The following PAM variants were observed in gnomAD, a reference collection of about 807,000 sequenced individuals.
PAM encodes the protein peptidyl-glycine alpha-amidating monooxygenase.
A neutral mutation model predicts 122.1 loss-of-function variants in PAM; 72 were observed. The observed-to-expected ratio is 0.59, with a 90% CI of 0.49 to 0.72. The LOEUF (loss-of-function observed/expected upper bound fraction) is 0.72. Ranked by LOEUF, PAM falls within the 30% of genes least tolerant of loss-of-function variation. The pLI, the probability that PAM is intolerant of heterozygous loss-of-function variation, is 0.00. For missense variants in PAM, 1,106 were observed against 1,183.7 expected (o/e 0.93, Z 0.96); for synonymous variants, 389 against 404.4 (o/e 0.96, Z 0.46).
At chr5:102,922,571 A>G (rs1367966655) in intron 5 of PAM, among the ~76,000 whole-genome samples, 1 of 152,180 alleles carries the variant, frequency 6.6e-6, no homozygotes, top group Non-Finnish European at 1.5e-5. Flanking sequence ...AACGATTTTG[A>G]GCCAACAAAT....
At chr5:102,885,351 T>C (rs968814448) in intron 3 of PAM, among the ~76,000 whole-genome samples, 3 of 152,018 alleles carry the variant, frequency 2.0e-5, no homozygotes, top group East Asian at 1.9e-4. Context: ...GTTGACGTTA[T>C]CAGTTATAAT....
chr5:103,027,542 G>A (rs1785302439), intron 24 of PAM, among the ~76,000 whole-genome samples: 1 of 152,178 alleles, frequency 6.6e-6, no homozygotes, highest in African/African-American at 2.4e-5. Flanking sequence ...AGGAAAGAGA[G>A]TCTGTCCTTT....
intron 4 of PAM, among the ~76,000 whole-genome samples, chr5:102,909,710 A>G (rs932840373): frequency 6.6e-6 from 1 of 151,956 alleles, no homozygotes; most frequent in Admixed American, 6.6e-5. Flanking sequence ...GTCCAGGCTA[A>G]AAATGGCTGC....
chr5:102,775,983 C>G (rs1757068045), intron 1 of PAM, among the ~76,000 whole-genome samples: 1 of 152,150 alleles, frequency 6.6e-6, no homozygotes, highest in East Asian at 1.9e-4. Flanking sequence ...CCTATTTCTC[C>G]ACAGCTTTGC....
In PAM at chr5:102,866,058, G is replaced by A. The variant is rs1785455099; in HGVS notation, c.-138G>A. The stretch of plus-strand genomic sequence containing the variant: ...AGCTCGCTGCTCTCGCTGGCGGATG[G>A]TGTGTGGCCGCCGCAGGACGCCCGC... On this transcript the variant is annotated 5_prime_UTR_variant, in exon 2 of 26. The change creates a new upstream start codon in the 5' untranslated region. Transcript: ENST00000438793. 1.9e-6 allele frequency: 1 copy of A among 520,660 alleles called. No individual in the cohort carries two copies. Among genetic ancestry groups the A allele is most frequent in the African/African-American group, 2.0e-5 (1 of 48,882 alleles). The allele number at this position is 520,660 out of a possible 1,614,324, so 32.3% of individuals were successfully genotyped here. A position where few individuals can be genotyped will look rare whatever the true frequency, so the allele number is the denominator to read the frequency against.
chr5:102,857,736 G>T (rs925891646), intron 1 of PAM, among the ~76,000 whole-genome samples: 3 of 152,208 alleles, frequency 2.0e-5, no homozygotes, highest in East Asian at 3.9e-4. Context: ...AAATTTCATA[G>T]AGTTGCTGTG....
At chr5:102,787,704 T>C (rs1202234050) in intron 1 of PAM, among the ~76,000 whole-genome samples, 1 of 151,978 alleles carries the variant, frequency 6.6e-6, no homozygotes, top group Non-Finnish European at 1.5e-5. Flanking sequence ...GGACCCGTAG[T>C]TCCTTCAGAG....
intron 7 of PAM, among the ~76,000 whole-genome samples, chr5:102,933,854 A>G (rs996746922): frequency 6.6e-6 from 1 of 152,166 alleles, no homozygotes; most frequent in Non-Finnish European, 1.5e-5. Context: ...ATTCCACTAT[A>G]AAGCAGGTTG....
At chr5:102,794,953 G>T (rs1762975907) in intron 1 of PAM, among the ~76,000 whole-genome samples, 1 of 151,972 alleles carries the variant, frequency 6.6e-6, no homozygotes, top group Admixed American at 6.6e-5. Context: ...ACTCTGGCAG[G>T]CTGAGGCTCG....
intron 14 of PAM, among the ~76,000 whole-genome samples, chr5:102,973,428 A>G (rs1163051871): frequency 2.6e-5 from 4 of 152,222 alleles, no homozygotes; most frequent in Non-Finnish European, 2.9e-5. Context: ...CATAGAATGC[A>G]TTTTAGTGAT....
At chr5:103,027,169 C>T (rs1398372208) in intron 24 of PAM, among the ~76,000 whole-genome samples, 1 of 152,178 alleles carries the variant, frequency 6.6e-6, no homozygotes, top group Non-Finnish European at 1.5e-5. Context: ...TCCATTTATT[C>T]ATCATTCCTT....
At chr5:102,927,605 G>A (rs900513836) in intron 7 of PAM, among the ~76,000 whole-genome samples, 4 of 152,156 alleles carry the variant, frequency 2.6e-5, no homozygotes, top group African/African-American at 9.6e-5. Flanking sequence ...TGCTAAGAGA[G>A]CCCCATGGGG....
Position 103,007,552 on chromosome 5 carries a change from G to A in PAM, c.2110G>A (p.Glu704Lys), listed in dbSNP as rs1307557679. The change falls in exon 20 of 26, where the codon GAA becomes AAA. Residue 704 changes from glutamate (E) to lysine (K), a missense_variant. This residue lies in a region of PAM where 333 missense variants were observed against 335.6 expected (regional missense o/e 0.99). Coordinates refer to ENST00000438793, the MANE Select transcript of PAM (RefSeq NM_001177306.2). ...LLGQLCVADRENGRIQCFKTD... is the reference protein window; with the variant it reads ...LLGQLCVADRKNGRIQCFKTD... Reference sequence around the variant, plus strand: ...GGGCCAATTATGTGTGGCAGACCGGGAAAATGGTCGGATCCAGTGTTTTAA... The same window carrying A: ...GGGCCAATTATGTGTGGCAGACCGGAAAAATGGTCGGATCCAGTGTTTTAA... The A allele has an allele frequency of 6.2e-7, 1 of 1,613,970 alleles. No homozygotes were observed. Among genetic ancestry groups the A allele is most frequent in the Admixed American group, 1.7e-5 (1 of 60,008 alleles).
chr5:103,004,763 G>A lies in PAM; in HGVS notation c.1731-391G>A, dbSNP rs80052484. 6.6e-3 allele frequency among the ~76,000 whole-genome samples: 1,011 copies of A among 152,240 alleles called. 7 individuals carry two copies. The highest frequency in any genetic ancestry group is 0.012 in the Non-Finnish European group (843 of 67,994). On this transcript the variant is annotated intron_variant, in intron 17 of 25. Coordinates refer to ENST00000438793, the MANE Select transcript of PAM (RefSeq NM_001177306.2). ...AACACATTACATTTCCTTGCAACATGTTTTAACCGCAAACTATATCAATCC... is the reference window on the plus strand; with the variant it reads ...AACACATTACATTTCCTTGCAACATATTTTAACCGCAAACTATATCAATCC...
chr5:102,870,095 C>A (rs1786887994), intron 3 of PAM, among the ~76,000 whole-genome samples: 1 of 145,314 alleles, frequency 6.9e-6, no homozygotes, highest in African/African-American at 2.6e-5. Flanking sequence ...AGTTAAATGG[C>A]AGAGGATTTT....
At chr5:102,955,374 A>C (rs1407897181) in intron 12 of PAM, among the ~76,000 whole-genome samples, 2 of 152,104 alleles carry the variant, frequency 1.3e-5, no homozygotes, top group African/African-American at 4.8e-5. Flanking sequence ...GAAATCCCAC[A>C]GATCAATTGA....
intron 3 of PAM, among the ~76,000 whole-genome samples, chr5:102,868,375 G>T (rs942777879): frequency 1.3e-5 from 2 of 151,982 alleles, no homozygotes. Context: ...GCCTTTTTTT[G>T]GGACTAAGAA....
chr5:102,820,238 G>A (rs922674614), intron 1 of PAM, among the ~76,000 whole-genome samples: 3 of 149,684 alleles, frequency 2.0e-5, no homozygotes, highest in Non-Finnish European at 4.4e-5. Flanking sequence ...TTCAAATCAG[G>A]GTCCTGTGTG....
chr5:102,831,630 G>A (rs1247203668), intron 1 of PAM, among the ~76,000 whole-genome samples: 1 of 152,106 alleles, frequency 6.6e-6, no homozygotes, highest in Non-Finnish European at 1.5e-5. Flanking sequence ...GAATGATATA[G>A]CTATATTTCA....
Sources: allele counts gnomAD v4.1 joint callset (sites outside exome capture counted in the v4.1 genomes callset), GRCh38; gene constraint gnomAD v4.1.1; regional missense constraint gnomAD v4.1.1; transcripts MANE v1.5; gene names NCBI Gene and HGNC (gene_info 2026-07-23, HGNC 2026-07-21).